Variants in CAMTA1 observed in about 807,000 individuals in gnomAD.
CAMTA1 encodes calmodulin binding transcription activator 1.
In CAMTA1, 27 loss-of-function variants were observed where a neutral mutation model predicts 170.9. The observed-to-expected ratio is 0.16, with a 90% confidence interval of 0.12 to 0.22. The LOEUF (loss-of-function observed/expected upper bound fraction) is 0.22. CAMTA1 is among the 10% of genes least tolerant of loss of function. The probability of loss-of-function intolerance (pLI) is 1.00; values close to 1 mark genes in which losing one functional copy is unlikely to be tolerated. For synonymous variants in CAMTA1, 833 were observed against 891.5 expected (o/e 0.93, Z 1.17); for missense variants, 1,619 against 2,217.2 (o/e 0.73, Z 5.42).
intron 3 of CAMTA1, among the ~76,000 whole-genome samples, chr1:6,826,371 T>C (rs981366370): frequency 9.2e-5 from 14 of 152,232 alleles, no homozygotes; most frequent in African/African-American, 3.4e-4. Context: ...GACAAATGTT[T>C]GCTAGTTTAG....
intron 3 of CAMTA1, among the ~76,000 whole-genome samples, chr1:7,089,204 C>T (rs1331058680): frequency 6.6e-6 from 1 of 152,092 alleles, no homozygotes; most frequent in East Asian, 1.9e-4. Flanking sequence ...CTTAGAACTG[C>T]CTCGTGAGCT....
intron 11 of CAMTA1, among the ~76,000 whole-genome samples, chr1:7,713,235 A>C (rs982382944): frequency 3.3e-5 from 5 of 152,186 alleles, no homozygotes; most frequent in African/African-American, 1.2e-4. Context: ...GGCATGCACC[A>C]TTCATCCACG....
chr1:7,017,887 G>A (rs1188096831), intron 3 of CAMTA1, among the ~76,000 whole-genome samples: 1 of 152,166 alleles, frequency 6.6e-6, no homozygotes, highest in Non-Finnish European at 1.5e-5. Context: ...GGTTGGTGTG[G>A]AATTGGGTAC....
intron 20 of CAMTA1, among the ~76,000 whole-genome samples, chr1:7,751,961 T>C (rs79585887): frequency 0.046 from 7,034 of 152,312 alleles, 237 homozygotes; most frequent in African/African-American, 0.087. Context: ...ATTGTAGAAT[T>C]ACTGCATGTG....
At chr1:7,402,915 C>T (rs1054759521) in intron 5 of CAMTA1, among the ~76,000 whole-genome samples, 38 of 152,172 alleles carry the variant, frequency 2.5e-4, no homozygotes, top group African/African-American at 8.7e-4. Context: ...ATGGGGCACG[C>T]GGGACTCGCA....
chr1:7,218,484 G>A (rs1016768577), intron 4 of CAMTA1, among the ~76,000 whole-genome samples: 1 of 152,108 alleles, frequency 6.6e-6, no homozygotes, highest in Admixed American at 6.5e-5. Context: ...GGAGGGGCGG[G>A]AGGAGTTGAG....
At chr1:7,521,115 C>A (rs2094359742) in intron 6 of CAMTA1, among the ~76,000 whole-genome samples, 1 of 152,192 alleles carries the variant, frequency 6.6e-6, no homozygotes, top group African/African-American at 2.4e-5. Context: ...TTTCAAAGGA[C>A]TGTCCTCTAT....
At chr1:7,385,234 C>T (rs1237147197) in intron 5 of CAMTA1, among the ~76,000 whole-genome samples, 3 of 151,894 alleles carry the variant, frequency 2.0e-5, no homozygotes, top group Non-Finnish European at 4.4e-5. Context: ...GGACTACAGG[C>T]ACATGCCACC....
At chr1:6,908,288 T>G (rs1292652720) in intron 3 of CAMTA1, among the ~76,000 whole-genome samples, 1 of 152,220 alleles carries the variant, frequency 6.6e-6, no homozygotes, top group Non-Finnish European at 1.5e-5. Context: ...TCACGCCTCT[T>G]GTGTCCAGCA....
chr1:7,526,947 GT>G (rs547087339), intron 6 of CAMTA1, among the ~76,000 whole-genome samples: 216 of 152,338 alleles, frequency 1.4e-3, no homozygotes, highest in African/African-American at 5.0e-3. Flanking sequence ...GCTGGGGCCT[GT>G]GTTTCCAAGA....
chr1:6,795,923 T>C (rs1380489582), intron 1 of CAMTA1, among the ~76,000 whole-genome samples: 3 of 152,194 alleles, frequency 2.0e-5, no homozygotes, highest in Non-Finnish European at 2.9e-5. Context: ...CTGGAGTTAT[T>C]TTGATAGTGC....
rs1557643868 is a variant in CAMTA1, at chr1:7,393,313, G to A, written c.439-74517G>A. On this transcript the variant is annotated intron_variant, in intron 5 of 22. Transcript: ENST00000303635. ...AGGGTCCTACTCTGTTACCCAGGCT[G>A]GAGTGCAGTGGTGTGACCACCAGCT... Among the ~76,000 whole-genome samples the A allele has an allele frequency of 3.3e-5, 5 of 152,214 alleles. No homozygotes were observed. The South Asian group carries it at 1.0e-3, about 32-fold the overall frequency.
At chr1:7,492,631 A>G (rs374458030) in intron 6 of CAMTA1, among the ~76,000 whole-genome samples, 1 of 136,154 alleles carries the variant, frequency 7.3e-6, no homozygotes, top group Non-Finnish European at 1.6e-5. Context: ...ATACACGCGC[A>G]CACAAACACA....
chr1:7,648,568 GTCACTACC>G (rs1251571645), intron 7 of CAMTA1, among the ~76,000 whole-genome samples: 1 of 152,184 alleles, frequency 6.6e-6, no homozygotes, highest in East Asian at 1.9e-4. Context: ...GTGTTCCAGG[GTCACTACC>G]TCTGAGCAGA....
chr1:7,370,583 C>G (rs1342301229), intron 5 of CAMTA1, among the ~76,000 whole-genome samples: 2 of 152,176 alleles, frequency 1.3e-5, no homozygotes, highest in East Asian at 3.8e-4. Context: ...TCCACAGACT[C>G]TTATTTATTG....
intron 6 of CAMTA1, among the ~76,000 whole-genome samples, chr1:7,517,689 C>T (rs533209191): frequency 6.6e-6 from 1 of 151,910 alleles, no homozygotes; most frequent in African/African-American, 2.4e-5. Flanking sequence ...ATTCTCAAAT[C>T]TTCAGGGTCA....
intron 5 of CAMTA1, among the ~76,000 whole-genome samples, chr1:7,440,443 C>A (rs2092487884): frequency 6.6e-6 from 1 of 152,250 alleles, no homozygotes; most frequent in Non-Finnish European, 1.5e-5. Flanking sequence ...CTGGGAGTTC[C>A]ACGGCACCGG....
intron 6 of CAMTA1, among the ~76,000 whole-genome samples, chr1:7,617,763 C>T (rs1188633429): frequency 7.0e-6 from 1 of 143,672 alleles, no homozygotes; most frequent in African/African-American, 2.6e-5. Flanking sequence ...TCCTGTTCCT[C>T]AGAGGAATTT....
At chr1:7,306,221 C>G (rs1197386217) in intron 5 of CAMTA1, among the ~76,000 whole-genome samples, 1 of 151,952 alleles carries the variant, frequency 6.6e-6, no homozygotes, top group Non-Finnish European at 1.5e-5. Flanking sequence ...ATATTTTCTC[C>G]TATGTTCGCT....
Sources: gnomAD v4.1 joint callset for allele counts (sites outside exome capture counted in the v4.1 genomes callset) on GRCh38, gnomAD v4.1.1 for gene constraint, MANE v1.5 for transcripts, NCBI Gene and HGNC (gene_info 2026-07-23, HGNC 2026-07-21) for gene names.